The following ZNF225 variants were observed in gnomAD, a reference collection of about 807,000 sequenced individuals.
The protein encoded by ZNF225 is zinc finger protein 225.
In ZNF225, 6 loss-of-function variants were observed where a neutral mutation model predicts 12.0. The ratio of observed to expected loss-of-function variants is 0.50; its 90% CI spans 0.27 to 0.98. The LOEUF (loss-of-function observed/expected upper bound fraction) is 0.98. Among genes scored for constraint, ZNF225 ranks in the 50% least tolerant of loss-of-function variants. The pLI, the probability that ZNF225 is intolerant of heterozygous loss-of-function variation, is 0.11. For missense variants in ZNF225, 763 were observed against 848.2 expected, an observed-to-expected ratio of 0.90 and a Z score of 1.25; for synonymous variants, 271 against 283.2, an observed-to-expected ratio of 0.96 and a Z score of 0.43.
Position 44,131,780 on chromosome 19 carries a change from G to C in ZNF225, c.1166G>C (p.Arg389Thr). ...TTCAGATGGGCCTCAGGTCTTTCAA[G>C]ACATGTGCGAGTCCACAGTGGAGAG... ...KSFRWASGLS[R>T]HVRVHSGETT... The change falls in exon 5 of 5, where the codon AGA becomes ACA. Residue 389 changes from arginine to threonine, a missense_variant. Coordinates refer to ENST00000262894, the MANE Select transcript of ZNF225 (RefSeq NM_013362.4). 1 of 1,614,134 alleles carries C rather than the reference G, an allele frequency of 6.2e-7. No homozygotes were observed. Among genetic ancestry groups the C allele is most frequent in the East Asian group, 2.2e-5 (1 of 44,878 alleles).
Position 44,118,594 on chromosome 19 carries a change from G to A in ZNF225, c.235+20G>A, listed in dbSNP as rs750413046. ...ATTTAGGTAAGAAGCAAGCAACTCT[G>A]TGTCCTTGTGCGTGACTCTCCCATC... On this transcript the variant is annotated intron_variant, in intron 4 of 4. Transcript: ENST00000262894. 6.2e-7 allele frequency: 1 copy of A among 1,604,436 alleles called. No homozygotes were observed.
intron 4 of ZNF225, among the ~76,000 whole-genome samples, chr19:44,125,295 C>T (rs10853771): frequency 0.66 from 100,981 of 152,032 alleles, 36,759 homozygotes; most frequent in Non-Finnish European, 0.84. Context: ...ATATATGATG[C>T]TTAGTTTTGG....
chr19:44,130,613 G>C (rs1968225496), intron 4 of ZNF225: 1 of 358,238 alleles, frequency 2.8e-6, no homozygotes, highest in Non-Finnish European at 4.9e-6. Context: ...CGGGAGAATG[G>C]TGTGAACAAC....
intron 4 of ZNF225, among the ~76,000 whole-genome samples, chr19:44,118,856 G>A (rs760144380): frequency 6.7e-6 from 1 of 148,356 alleles, no homozygotes; most frequent in Non-Finnish European, 1.5e-5. Context: ...TCGCTGTGTC[G>A]CCCAGGCTGG....
At chr19:44,126,448 G>A (rs1472353877) in intron 4 of ZNF225, among the ~76,000 whole-genome samples, 1 of 152,064 alleles carries the variant, frequency 6.6e-6, no homozygotes, top group African/African-American at 2.4e-5. Context: ...AGGTGGTGGG[G>A]GTGTGCAATG....
chr19:44,115,891 T>G (rs1286179997), intron 2 of ZNF225, 49 bp downstream of exon 2: 2 of 1,596,940 alleles, frequency 1.3e-6, no homozygotes, highest in African/African-American at 1.3e-5. Flanking sequence ...TTATGGAGAC[T>G]TGTTCTGTCG....
At chr19:44,129,167 C>A in intron 4 of ZNF225, 1 of 1,109,426 alleles carries the variant, frequency 9.0e-7, no homozygotes, top group South Asian at 4.6e-5. Context: ...AATTCTTGTA[C>A]AGGAATACTC....
intron 4 of ZNF225, among the ~76,000 whole-genome samples, 175 bp downstream of exon 4, chr19:44,118,749 C>T (rs1016727024): frequency 6.6e-6 from 1 of 152,176 alleles, no homozygotes; most frequent in African/African-American, 2.4e-5. Context: ...CATCTGTTTT[C>T]CTCATGGCAG....
rs780946968 is a variant in ZNF225, at chr19:44,132,731, C to G, written c.2117C>G (p.Thr706Arg). ...CTTTTGTCATTATTTTTAAATGACA[C>G]ATAACTGTTGTACTCATTTATGGGG... is the stretch of plus-strand genomic sequence containing the variant. ...DTLLSLFLND[T>R] The change falls in exon 5 of 5, where the codon ACA becomes AGA. Residue 706 changes from threonine (T) to arginine (R), a missense_variant. Transcript: ENST00000262894. 4.4e-6 allele frequency: 7 copies of G among 1,584,346 alleles called. No homozygotes were observed. In the Admixed American group the frequency reaches 1.3e-4, roughly 29 times the overall value.
intron 2 of ZNF225, 146 bp downstream of exon 2, chr19:44,115,988 A>G: frequency 1.3e-6 from 1 of 775,930 alleles, no homozygotes; most frequent in South Asian, 1.9e-5. Flanking sequence ...CAGCCTCCCA[A>G]GTAGCTGGGA....
Position 44,131,630 on chromosome 19 carries a change from C to T in ZNF225, c.1016C>T (p.Thr339Ile). 1 of 1,614,048 alleles carries T rather than the reference C, an allele frequency of 6.2e-7. No individual in the cohort carries two copies. The highest frequency in any genetic ancestry group is 1.6e-4 in the Middle Eastern group (1 of 6,062). ...SALNSHRMVH[T>I]GEKRYKCEEC... is the part of the protein sequence containing the mutation. Reference sequence around the variant, plus strand: ...CTTAATAGTCATCGCATGGTCCACACAGGAGAGAAACGGTACAAATGTGAG... The same window carrying T: ...CTTAATAGTCATCGCATGGTCCACATAGGAGAGAAACGGTACAAATGTGAG... Residue 339 changes from threonine (T) to isoleucine (I), a missense_variant, in exon 5 of 5, where the codon ACA (threonine) becomes ATA (isoleucine). Thr to Ile is a moderately conservative substitution (Grantham distance 89, BLOSUM62 -1). Coordinates refer to ENST00000262894, the MANE Select transcript of ZNF225 (RefSeq NM_013362.4).
rs1020231030 is a variant in ZNF225 at position 44,134,482 on chromosome 19, G to C, written c.*1747G>C. On this transcript the variant is annotated 3_prime_UTR_variant, in exon 5 of 5. Coordinates refer to ENST00000262894, the MANE Select transcript of ZNF225 (RefSeq NM_013362.4). ...TCCTTTCTAAGATTTGCAGTCTCAGGCCTGTTATATTAACTTTTTGTGCAC... is the reference window on the plus strand; with the variant it reads ...TCCTTTCTAAGATTTGCAGTCTCAGCCCTGTTATATTAACTTTTTGTGCAC... The C allele has an allele frequency of 6.6e-6, 1 of 152,108 alleles. No homozygotes were observed. The highest frequency in any genetic ancestry group is 2.4e-5 in the African/African-American group (1 of 41,422). The allele number at this position is 152,108 out of a possible 1,614,324, so 9.4% of individuals were successfully genotyped here.
In ZNF225 at chr19:44,132,441, A is replaced by T. The variant is rs375280078; in HGVS notation, c.1827A>T (p.Ser609=). 4 of 1,614,102 alleles carry T rather than the reference A, an allele frequency of 2.5e-6. No individual in the cohort carries two copies. The African/African-American group carries it at 5.3e-5, about 22-fold the overall frequency. The stretch of plus-strand genomic sequence containing the variant: ...GTGGGAAGAGATTTACTGAGAATTC[A>T]CAGCTTCATTCCCATCAGAGGGTTC... ...EECGKRFTEN[S]QLHSHQRVHT... is the part of the protein sequence containing the mutation. The change falls in exon 5 of 5, where the codon TCA becomes TCT. Residue 609 remains serine (S), a synonymous_variant. Transcript: ENST00000262894.
In ZNF225 at chr19:44,131,641, C is replaced by T. The variant is rs367916390; in HGVS notation, c.1027C>T (p.Arg343Trp). The T allele has an allele frequency of 1.6e-5, 26 of 1,613,906 alleles. No homozygotes were observed. Among genetic ancestry groups the T allele is most frequent in the Admixed American group, 8.3e-5 (5 of 59,992 alleles). ...SHRMVHTGEKRYKCEECGKRF... is the reference protein window; with the variant it reads ...SHRMVHTGEKWYKCEECGKRF... ...TCGCATGGTCCACACAGGAGAGAAA[C>T]GGTACAAATGTGAGGAATGTGGAAA... is the stretch of plus-strand genomic sequence containing the variant. Residue 343 changes from arginine (R) to tryptophan (W), a missense_variant, in exon 5 of 5, where the codon CGG (arginine) becomes TGG (tryptophan). Physicochemically the swap from Arg to Trp is moderately radical, Grantham distance 101. Coordinates refer to ENST00000262894, the MANE Select transcript of ZNF225 (RefSeq NM_013362.4).
At chr19:44,130,704 A>C in intron 4 of ZNF225, 146 bp from the exon 5 acceptor site, 1 of 343,752 alleles carries the variant, frequency 2.9e-6, no homozygotes, top group Non-Finnish European at 5.2e-6. Flanking sequence ...CCATCTCAAA[A>C]AAAAAAAAAA....
chr19:44,119,329 A>T (rs1219515408), intron 4 of ZNF225, among the ~76,000 whole-genome samples: 1 of 152,196 alleles, frequency 6.6e-6, no homozygotes, highest in East Asian at 1.9e-4. Flanking sequence ...CATTTAGTCG[A>T]CTAAACAACA....
At chr19:44,128,515 C>T (rs1968190797) in intron 4 of ZNF225, 1 of 152,260 alleles carries the variant, frequency 6.6e-6, no homozygotes, top group Admixed American at 6.5e-5. Flanking sequence ...AGTAGGTACA[C>T]ACTTACTTAC....
chr19:44,128,834 G>A (rs1477974212), intron 4 of ZNF225: 1 of 390,704 alleles, frequency 2.6e-6, no homozygotes, highest in African/African-American at 2.1e-5. Context: ...AGCTCACTAA[G>A]AGTCTGTAGT....
chr19:44,131,598 A>G lies in ZNF225; in HGVS notation c.984A>G (p.Lys328=), dbSNP rs371612038. Residue 328 remains lysine, a synonymous_variant, in exon 5 of 5, where the codon AAA becomes AAG. Transcript: ENST00000262894. ...CATGTGGTAAGAGCTTTGGTCTGAA[A>G]TCAGCACTTAATAGTCATCGCATGG... ...CDTCGKSFGL[K]SALNSHRMVH... 5.4e-4 allele frequency: 865 copies of G among 1,614,100 alleles called. No homozygotes were observed. Among genetic ancestry groups the G allele is most frequent in the Non-Finnish European group, 6.7e-4 (792 of 1,180,046 alleles).
Sources: gnomAD v4.1 joint callset for allele counts (sites outside exome capture counted in the v4.1 genomes callset) on GRCh38, gnomAD v4.1.1 for gene constraint, MANE v1.5 for transcripts, NCBI Gene and HGNC (gene_info 2026-07-23, HGNC 2026-07-21) for gene names.